The following SPTLC2 variants were observed in gnomAD, a reference collection of about 807,000 sequenced individuals.
The protein encoded by SPTLC2 is serine palmitoyltransferase long chain base subunit 2.
In SPTLC2, 21 loss-of-function variants were observed where a neutral mutation model predicts 62.0. That is an observed-to-expected ratio of 0.34 (90% CI 0.24 to 0.49). The LOEUF (loss-of-function observed/expected upper bound fraction) is 0.49. Among genes scored for constraint, SPTLC2 ranks in the 20% least tolerant of loss-of-function variants. The probability of loss-of-function intolerance (pLI) is 0.99; values close to 1 mark genes in which losing one functional copy is unlikely to be tolerated. For synonymous variants in SPTLC2, 261 were observed against 261.8 expected, an observed-to-expected ratio of 1.00 and a Z score of 0.03; for missense variants, 511 against 713.0, an observed-to-expected ratio of 0.72 and a Z score of 3.23.
At chr14:77,615,524 C>A (rs1204090507) in intron 1 of SPTLC2, among the ~76,000 whole-genome samples, 1 of 152,208 alleles carries the variant, frequency 6.6e-6, no homozygotes, top group Non-Finnish European at 1.5e-5. Flanking sequence ...AAGTCAACTG[C>A]AAAATTATCG....
chr14:77,510,846 A>G lies in SPTLC2; in HGVS notation c.*1438T>C, dbSNP rs1325149173. ...TCTCCTGTAATACTTGATGGATACAAAAAGACAAACTGATCCTGGGTATAA... is the reference window on the plus strand; with the variant it reads ...TCTCCTGTAATACTTGATGGATACAGAAAGACAAACTGATCCTGGGTATAA... On this transcript the variant is annotated 3_prime_UTR_variant, in exon 12 of 12. Coordinates refer to ENST00000216484, the MANE Select transcript of SPTLC2 (RefSeq NM_004863.4). 1 of 152,612 alleles carries G rather than the reference A, an allele frequency of 6.6e-6. No homozygotes were observed. Among genetic ancestry groups the G allele is most frequent in the Non-Finnish European group, 1.5e-5 (1 of 68,028 alleles). The allele number at this position is 152,612 out of a possible 1,614,324, so 9.5% of individuals were successfully genotyped here.
intron 5 of SPTLC2, 29 bp from the exon 6 acceptor site, chr14:77,562,518 G>A (rs2079620598): frequency 6.3e-7 from 1 of 1,582,418 alleles, no homozygotes; most frequent in South Asian, 1.1e-5. Context: ...AGAAAGGTAA[G>A]AAGCTGGAGG....
At chr14:77,579,742 C>T (rs562860635) in intron 2 of SPTLC2, among the ~76,000 whole-genome samples, 59 of 151,646 alleles carry the variant, frequency 3.9e-4, no homozygotes, top group Non-Finnish European at 6.9e-4. Context: ...AAAACAACAA[C>T]AAAAAAAACC....
intron 9 of SPTLC2, among the ~76,000 whole-genome samples, chr14:77,530,160 A>G (rs2079430903): frequency 6.6e-6 from 1 of 152,148 alleles, no homozygotes. Context: ...AGGAGTGACT[A>G]TTGTTATTAC....
intron 1 of SPTLC2, 66 bp from the exon 2 acceptor site, chr14:77,597,446 G>A: frequency 6.8e-7 from 1 of 1,465,186 alleles, no homozygotes; most frequent in Non-Finnish European, 9.5e-7. Flanking sequence ...CTAAAATCTA[G>A]GTCCTTAGAG....
At chr14:77,513,307 C>T (rs1290698252) in intron 11 of SPTLC2, among the ~76,000 whole-genome samples, 1 of 152,170 alleles carries the variant, frequency 6.6e-6, no homozygotes. Context: ...TGAGCCACCA[C>T]ACCTGGCATC....
At chr14:77,580,824 CTGGGCAACATAG>C (rs879492663) in intron 2 of SPTLC2, among the ~76,000 whole-genome samples, 2 of 152,212 alleles carry the variant, frequency 1.3e-5, no homozygotes, top group Non-Finnish European at 2.9e-5. Flanking sequence ...CAAGACCAGC[CTGGGCAACATAG>C]TGGGACTCTG....
intron 10 of SPTLC2, among the ~76,000 whole-genome samples, 187 bp downstream of exon 10, chr14:77,521,259 A>G (rs2079383392): frequency 6.6e-6 from 1 of 152,268 alleles, no homozygotes; most frequent in South Asian, 2.1e-4. Context: ...CAAATGTTTA[A>G]TGAAAGAAGA....
chr14:77,555,749 G>A (rs976103785), intron 7 of SPTLC2, among the ~76,000 whole-genome samples: 1 of 151,920 alleles, frequency 6.6e-6, no homozygotes, highest in Non-Finnish European at 1.5e-5. Context: ...CCAAGTAGCT[G>A]GGACTAGAGG....
intron 9 of SPTLC2, among the ~76,000 whole-genome samples, chr14:77,538,382 C>T (rs1046549857): frequency 6.6e-6 from 1 of 152,146 alleles, no homozygotes; most frequent in Non-Finnish European, 1.5e-5. Flanking sequence ...TAATTTTATT[C>T]TCACATCTAA....
intron 2 of SPTLC2, 118 bp downstream of exon 2, chr14:77,597,068 C>A: frequency 1.0e-6 from 1 of 968,086 alleles, no homozygotes; most frequent in Non-Finnish European, 1.6e-6. Flanking sequence ...TTAACTGCAT[C>A]TGGAATAGTT....
At chr14:77,596,594 T>G (rs544188764) in intron 2 of SPTLC2, among the ~76,000 whole-genome samples, 24 of 151,420 alleles carry the variant, frequency 1.6e-4, no homozygotes, top group Non-Finnish European at 3.1e-4. Context: ...AGAAGCCCTC[T>G]TCCCCAGACA....
intron 1 of SPTLC2, among the ~76,000 whole-genome samples, chr14:77,603,844 G>GT (rs2079890725): frequency 6.6e-6 from 1 of 152,196 alleles, no homozygotes; most frequent in Non-Finnish European, 1.5e-5. Flanking sequence ...AGCCTCCGCT[G>GT]TAACACTTTT....
intron 5 of SPTLC2, among the ~76,000 whole-genome samples, chr14:77,564,467 A>G (rs2079633976): frequency 6.6e-6 from 1 of 150,938 alleles, no homozygotes; most frequent in Non-Finnish European, 1.5e-5. Flanking sequence ...GTGTGTATGC[A>G]TGAGTTCGCA....
intron 2 of SPTLC2, among the ~76,000 whole-genome samples, chr14:77,595,761 C>T (rs1300604867): frequency 6.6e-6 from 1 of 152,214 alleles, no homozygotes; most frequent in Non-Finnish European, 1.5e-5. Flanking sequence ...TGGCTCGTCT[C>T]AGCGTTGACT....
At chr14:77,576,730 C>A in intron 4 of SPTLC2, 37 bp downstream of exon 4, 1 of 1,614,104 alleles carries the variant, frequency 6.2e-7, no homozygotes, top group South Asian at 1.1e-5. Context: ...AAAACAATGT[C>A]AAAAACAGCA....
intron 6 of SPTLC2, among the ~76,000 whole-genome samples, chr14:77,558,079 CCT>C (rs2079594717): frequency 6.6e-6 from 1 of 150,902 alleles, no homozygotes; most frequent in Non-Finnish European, 1.5e-5. Flanking sequence ...ATGGAGTCTC[CCT>C]CTGTCATCCA....
At chr14:77,609,766 C>T (rs1221028370) in intron 1 of SPTLC2, among the ~76,000 whole-genome samples, 2 of 152,066 alleles carry the variant, frequency 1.3e-5, no homozygotes, top group Non-Finnish European at 2.9e-5. Context: ...TGGCATATGC[C>T]TGCAGTCCCA....
chr14:77,590,340 G>T (rs1416104909), intron 2 of SPTLC2, among the ~76,000 whole-genome samples: 1 of 152,210 alleles, frequency 6.6e-6, no homozygotes, highest in Non-Finnish European at 1.5e-5. Context: ...CTATAGTACA[G>T]AGTAGTAAAC....
Sources: allele counts gnomAD v4.1 joint callset (sites outside exome capture counted in the v4.1 genomes callset), GRCh38; gene constraint gnomAD v4.1.1; transcripts MANE v1.5; gene names NCBI Gene and HGNC (gene_info 2026-07-23, HGNC 2026-07-21).